The following CAMTA1 variants were observed in gnomAD, a reference collection of about 807,000 sequenced individuals.
CAMTA1 encodes calmodulin-binding transcription activator 1.
Under a neutral mutation model 170.9 loss-of-function variants are expected in CAMTA1, and 27 were observed. The observed-to-expected ratio is 0.16, with a 90% CI of 0.12 to 0.22. The LOEUF (loss-of-function observed/expected upper bound fraction) is 0.22. Among genes scored for constraint, CAMTA1 ranks in the 10% least tolerant of loss-of-function variants. The probability of loss-of-function intolerance (pLI) is 1.00; values close to 1 mark genes in which losing one functional copy is unlikely to be tolerated. For missense variants in CAMTA1, 1,619 were observed against 2,217.2 expected (o/e 0.73, Z 5.42); for synonymous variants, 833 against 891.5 (o/e 0.93, Z 1.17).
chr1:7,095,704 C>T (rs909983740), intron 4 of CAMTA1, among the ~76,000 whole-genome samples: 4 of 152,234 alleles, frequency 2.6e-5, no homozygotes, highest in Non-Finnish European at 5.9e-5. Context: ...TGTCAGTAAG[C>T]GTGGCTCATA....
At chr1:6,883,434 TAGGGCAGGAG>T (rs954816072) in intron 3 of CAMTA1, among the ~76,000 whole-genome samples, 74 of 152,132 alleles carry the variant, frequency 4.9e-4, no homozygotes, top group South Asian at 2.5e-3. Flanking sequence ...AGCCTAAGTG[TAGGGCAGGAG>T]AGGGCAGGAG....
chr1:6,913,646 T>C (rs1394176590), intron 3 of CAMTA1, among the ~76,000 whole-genome samples: 1 of 152,072 alleles, frequency 6.6e-6, no homozygotes, highest in Non-Finnish European at 1.5e-5. Flanking sequence ...TGAGCGTTTC[T>C]GTTTGATTCA....
chr1:7,432,915 C>G (rs967806034), intron 5 of CAMTA1, among the ~76,000 whole-genome samples: 21 of 152,204 alleles, frequency 1.4e-4, no homozygotes, highest in Admixed American at 1.3e-3. Flanking sequence ...CAGGGCCCAG[C>G]CAGCACCTGC....
chr1:7,299,890 G>A lies in CAMTA1; in HGVS notation c.438+50264G>A, dbSNP rs1674510579. On this transcript the variant is annotated intron_variant, in intron 5 of 22. Transcript: ENST00000303635. The surrounding 1 kb of genome is among the most constrained non-coding windows in gnomAD (Gnocchi z 4.7). Reference sequence around the variant, plus strand: ...ATACAAAATAAGGAACACAAAATGAGACCTAGAGTCTTAGAAGGGGCCCGT... The same window carrying A: ...ATACAAAATAAGGAACACAAAATGAAACCTAGAGTCTTAGAAGGGGCCCGT... Among the ~76,000 whole-genome samples the A allele has an allele frequency of 6.6e-6, 1 of 152,188 alleles. No homozygotes were observed. The highest frequency in any genetic ancestry group is 2.4e-5 in the African/African-American group (1 of 41,446).
chr1:7,225,327 G>A (rs189375339), intron 4 of CAMTA1, among the ~76,000 whole-genome samples: 234 of 152,170 alleles, frequency 1.5e-3, no homozygotes, highest in South Asian at 4.4e-3. Context: ...CTCGTGATCC[G>A]CCTGCCTCGG....
At position 7,729,443 on chromosome 1, in the gene CAMTA1, G is replaced by A. The variant is rs541195639; in HGVS notation, c.2915-3005G>A. Reference sequence around the variant, plus strand: ...AAAATAATATCAAGATTCTTAAAAAGCAACCTTCCTCTTGCTTTTGTGTTT... The same window carrying A: ...AAAATAATATCAAGATTCTTAAAAAACAACCTTCCTCTTGCTTTTGTGTTT... On this transcript the variant is annotated intron_variant, in intron 11 of 22. Coordinates refer to ENST00000303635, the MANE Select transcript of CAMTA1 (RefSeq NM_015215.4). Among the ~76,000 whole-genome samples, 5 of 152,296 alleles carry A rather than the reference G, an allele frequency of 3.3e-5. No individual in the cohort carries two copies. In the South Asian group the frequency reaches 8.3e-4, roughly 25 times the overall value.
At position 6,965,809 on chromosome 1, in the gene CAMTA1, C is replaced by G. The variant is rs899002103; in HGVS notation, c.235-125495C>G. Among the ~76,000 whole-genome samples, 1 of 152,146 alleles carries G rather than the reference C, an allele frequency of 6.6e-6. No individual in the cohort carries two copies. The highest frequency in any genetic ancestry group is 2.4e-5 in the African/African-American group (1 of 41,428). ...ATGAGGTCTGGATGGAGCCTGAATG[C>G]GGCATTAACTGCATATCAGAGACCC... On this transcript the variant is annotated intron_variant, in intron 3 of 22. Coordinates refer to ENST00000303635, the MANE Select transcript of CAMTA1 (RefSeq NM_015215.4). The surrounding 1 kb of genome is among the most constrained non-coding windows in gnomAD (Gnocchi z 4.1).
chr1:7,541,955 T>A (rs980858908), intron 6 of CAMTA1, among the ~76,000 whole-genome samples: 2 of 152,218 alleles, frequency 1.3e-5, no homozygotes, highest in African/African-American at 2.4e-5. Flanking sequence ...TTCCTCGGCG[T>A]TCCTCCAGAA....
chr1:7,599,377 G>A (rs2095423816), intron 6 of CAMTA1, among the ~76,000 whole-genome samples: 1 of 152,206 alleles, frequency 6.6e-6, no homozygotes, highest in Non-Finnish European at 1.5e-5. Flanking sequence ...GTAGCGTGAT[G>A]CCTCCAGCTA....
intron 5 of CAMTA1, among the ~76,000 whole-genome samples, chr1:7,430,820 C>T (rs1487782052): frequency 6.6e-6 from 1 of 152,238 alleles, no homozygotes; most frequent in African/African-American, 2.4e-5. Context: ...CCCTGCACTT[C>T]CAAGGCTCGC....
intron 18 of CAMTA1, among the ~76,000 whole-genome samples, chr1:7,746,598 C>T (rs376667117): frequency 2.6e-5 from 4 of 152,122 alleles, no homozygotes; most frequent in African/African-American, 4.8e-5. Context: ...TAGGCCAGGG[C>T]GGGAATGGGG....
chr1:6,884,574 A>G (rs550700683), intron 3 of CAMTA1, among the ~76,000 whole-genome samples: 2 of 152,280 alleles, frequency 1.3e-5, no homozygotes, highest in South Asian at 2.1e-4. Flanking sequence ...GTTTAAGCTT[A>G]CTTCAGTTTC....
chr1:7,023,313 TG>T (rs1334517351), intron 3 of CAMTA1, among the ~76,000 whole-genome samples: 31 of 152,198 alleles, frequency 2.0e-4, no homozygotes, highest in African/African-American at 7.5e-4. Context: ...AAACTTGTTA[TG>T]GGGGATGATT....
chr1:7,666,020 T>G (rs2095998004), intron 9 of CAMTA1, among the ~76,000 whole-genome samples: 1 of 151,804 alleles, frequency 6.6e-6, no homozygotes, highest in African/African-American at 2.4e-5. Context: ...ATACAAAAAA[T>G]TAACTGGGCG....
intron 3 of CAMTA1, among the ~76,000 whole-genome samples, chr1:6,925,692 C>T (rs976348941): frequency 2.6e-5 from 4 of 152,178 alleles, no homozygotes; most frequent in Non-Finnish European, 4.4e-5. Context: ...CAACTAGCCC[C>T]GTGGAGACTT....
intron 4 of CAMTA1, among the ~76,000 whole-genome samples, chr1:7,122,711 C>T (rs926710654): frequency 1.3e-5 from 2 of 152,108 alleles, no homozygotes; most frequent in African/African-American, 4.8e-5. Flanking sequence ...TGTGGCTCCA[C>T]GTCTGATGCT....
At chr1:7,667,530 T>C (rs2096012120) in intron 9 of CAMTA1, among the ~76,000 whole-genome samples, 2 of 152,104 alleles carry the variant, frequency 1.3e-5, no homozygotes, top group Non-Finnish European at 2.9e-5. Flanking sequence ...GAGCCCTTAA[T>C]GTCTTGCAGA....
chr1:7,399,250 G>A (rs1348467962), intron 5 of CAMTA1, among the ~76,000 whole-genome samples: 2 of 152,078 alleles, frequency 1.3e-5, no homozygotes, highest in African/African-American at 4.8e-5. Flanking sequence ...AAATAGCCTG[G>A]CACCTTTGCT....
intron 4 of CAMTA1, among the ~76,000 whole-genome samples, chr1:7,182,416 C>T (rs1308406439): frequency 1.3e-5 from 2 of 151,184 alleles, no homozygotes; most frequent in African/African-American, 4.9e-5. Context: ...TCACCTGAGC[C>T]TGGGGAGGTC....
Sources: allele counts gnomAD v4.1 joint callset (sites outside exome capture counted in the v4.1 genomes callset), GRCh38; gene constraint gnomAD v4.1.1; non-coding constraint Gnocchi (gnomAD v3.1); transcripts MANE v1.5; gene names NCBI Gene and HGNC (gene_info 2026-07-23, HGNC 2026-07-21).